Variants in PLAC1 observed in about 807,000 individuals in gnomAD.
PLAC1 encodes placenta-specific protein 1.
For missense variants in PLAC1, 136 were observed against 163.2 expected (o/e 0.83, Z 0.91); for synonymous variants, 68 against 62.1 (o/e 1.09, Z -0.44).
At chrX:134,578,305 TGGGAGGC>T (rs2077951880) in intron 2 of PLAC1, among the ~76,000 whole-genome samples, 1 of 103,586 alleles carries the variant, frequency 9.7e-6, no homozygotes, top group Non-Finnish European at 2.0e-5. Context: ...CCCAGCTACT[TGGGAGGC>T]TGAGGCAGGA....
At chrX:134,599,594 A>C (rs4240133) in intron 2 of PLAC1, 47,679 of 110,682 alleles carry the variant, frequency 0.43, 8,029 homozygotes, top group East Asian at 0.9. Context: ...GAGCAGCATG[A>C]GAACAGACTA....
intron 1 of PLAC1, among the ~76,000 whole-genome samples, chrX:134,649,264 CA>C (rs898452361): frequency 0.076 from 3,067 of 40,278 alleles, 141 homozygotes; most frequent in African/African-American, 0.2. Flanking sequence ...GACTCCATCT[CA>C]AAAAAAAAAA....
rs746391231 is a variant in PLAC1 at position 134,736,285 on chromosome X, AAAG to A, written n.90-2769_90-2767del. On this transcript the variant is annotated intron_variant and non_coding_transcript_variant, in intron 1 of 2. Coordinates refer to the PLAC1 transcript ENST00000466797. ...AAAGCGAGACTCCATTTCAAAAAAAAAAGAAGAAGAAGAAAAGGGGAATGTAAG... is the reference window on the plus strand; with the variant it reads ...AAAGCGAGACTCCATTTCAAAAAAAAAAGAAGAAGAAAAGGGGAATGTAAG... 5.7e-3 allele frequency among the ~76,000 whole-genome samples: 632 copies of A among 111,284 alleles called. 6 individuals carry two copies. Among genetic ancestry groups the A allele is most frequent in the South Asian group, 0.011 (29 of 2,607 alleles).
intron 1 of PLAC1, among the ~76,000 whole-genome samples, chrX:134,657,314 C>T (rs1040238530): frequency 2.7e-5 from 3 of 111,970 alleles, no homozygotes; most frequent in African/African-American, 9.7e-5. Context: ...CTAATAAGCC[C>T]GTCATAATGT....
intron 2 of PLAC1, among the ~76,000 whole-genome samples, chrX:134,679,717 T>C (rs1160746931): frequency 8.9e-6 from 1 of 111,742 alleles, no homozygotes; most frequent in Non-Finnish European, 1.9e-5. Context: ...ATTCATGGAG[T>C]TTGTTTTTGA....
intron 1 of PLAC1, among the ~76,000 whole-genome samples, chrX:134,646,477 G>A (rs922516403): frequency 5.4e-5 from 6 of 112,069 alleles, no homozygotes; most frequent in African/African-American, 1.6e-4. Context: ...TTTAGATTTC[G>A]AATCTCTCTC....
chrX:134,687,867 T>TATATAG (rs2078523561), intron 2 of PLAC1, among the ~76,000 whole-genome samples: 2 of 52,294 alleles, frequency 3.8e-5, no homozygotes, highest in African/African-American at 1.6e-4. Flanking sequence ...TATATATATA[T>TATATAG]AGCACCTAGC....
At chrX:134,763,771 A>G (rs1325440795) in intron 1 of PLAC1, among the ~76,000 whole-genome samples, 3 of 107,613 alleles carry the variant, frequency 2.8e-5, no homozygotes, top group Non-Finnish European at 5.8e-5. Flanking sequence ...CATTGAGCCG[A>G]GACGGCGCCA....
intron 2 of PLAC1, among the ~76,000 whole-genome samples, chrX:134,568,617 A>G (rs1471160254): frequency 1.8e-5 from 2 of 111,487 alleles, no homozygotes; most frequent in African/African-American, 6.5e-5. Flanking sequence ...TTCTGGGACA[A>G]CTTTTTTGGG....
chrX:134,682,472 G>A (rs2078501406), intron 2 of PLAC1, among the ~76,000 whole-genome samples: 2 of 111,547 alleles, frequency 1.8e-5, no homozygotes, highest in Non-Finnish European at 3.8e-5. Context: ...GGGTCCTTTG[G>A]CCAAATGACT....
chrX:134,682,320 A>T (rs188182285), intron 2 of PLAC1, among the ~76,000 whole-genome samples: 1 of 112,147 alleles, frequency 8.9e-6, no homozygotes, highest in Non-Finnish European at 1.9e-5. Context: ...TTTGTCTGGT[A>T]GCAGGAACTT....
intron 2 of PLAC1, among the ~76,000 whole-genome samples, chrX:134,686,148 T>G (rs746291714): frequency 1.8e-5 from 2 of 111,823 alleles, no homozygotes; most frequent in Non-Finnish European, 3.8e-5. Flanking sequence ...AATCAGGAAA[T>G]CTGGGTTCTA....
At chrX:134,674,559 G>T (rs1192172613) in intron 2 of PLAC1, among the ~76,000 whole-genome samples, 1 of 112,495 alleles carries the variant, frequency 8.9e-6, no homozygotes, top group Non-Finnish European at 1.9e-5. Context: ...TCAATCACAT[G>T]CACTGTGACC....
At chrX:134,588,834 G>A (rs1454553033) in intron 2 of PLAC1, among the ~76,000 whole-genome samples, 2 of 111,348 alleles carry the variant, frequency 1.8e-5, no homozygotes, top group African/African-American at 3.3e-5. Flanking sequence ...CAACAGCTCC[G>A]GTGTCAGGTG....
At chrX:134,726,518 A>G (rs1337241135) in intron 2 of PLAC1, among the ~76,000 whole-genome samples, 2 of 112,203 alleles carry the variant, frequency 1.8e-5, no homozygotes, top group Non-Finnish European at 3.8e-5. Flanking sequence ...TTTCAAGAAC[A>G]AAATAACAAT....
intron 1 of PLAC1, among the ~76,000 whole-genome samples, chrX:134,644,444 AAATTT>A (rs1470279378): frequency 4.5e-5 from 5 of 110,807 alleles, no homozygotes; most frequent in Non-Finnish European, 9.5e-5. Context: ...TTCTTTTTTA[AAATTT>A]AATTTAAAGT....
intron 1 of PLAC1, among the ~76,000 whole-genome samples, chrX:134,755,210 G>A (rs1343146497): frequency 1.8e-5 from 2 of 111,900 alleles, no homozygotes; most frequent in African/African-American, 6.5e-5. Flanking sequence ...GAGAAGCGGG[G>A]AGAGAGAACT....
At chrX:134,568,863 C>A (rs2077890793) in intron 2 of PLAC1, among the ~76,000 whole-genome samples, 1 of 111,461 alleles carries the variant, frequency 9.0e-6, no homozygotes, top group South Asian at 3.8e-4. Context: ...GAGATAATCA[C>A]CCCATCACTA....
chrX:134,730,226 C>A (rs767847256), intron 2 of PLAC1, among the ~76,000 whole-genome samples: 27 of 112,017 alleles, frequency 2.4e-4, no homozygotes, highest in Non-Finnish European at 4.9e-4. Flanking sequence ...CTGCAACAGA[C>A]AAATGTTACC....
Sources: allele counts gnomAD v4.1 joint callset (sites outside exome capture counted in the v4.1 genomes callset), GRCh38; gene constraint gnomAD v4.1.1; transcripts MANE v1.5; gene names NCBI Gene and HGNC (gene_info 2026-07-23, HGNC 2026-07-21).